Variants in KCNK4 observed in about 807,000 individuals in gnomAD.
KCNK4 encodes potassium channel subfamily K member 4.
A neutral mutation model predicts 28.8 loss-of-function variants in KCNK4; 22 were observed. That is an observed-to-expected ratio of 0.76 (90% CI 0.55 to 1.09). The LOEUF (loss-of-function observed/expected upper bound fraction) is 1.09, where lower values mean the gene tolerates loss of function less well. Ranked by LOEUF, KCNK4 falls within the 50% of genes least tolerant of loss-of-function variation. KCNK4 has a pLI of 0.00. For synonymous variants in KCNK4, 263 were observed against 252.9 expected (o/e 1.04, Z -0.38); for missense variants, 483 against 546.3 (o/e 0.88, Z 1.15).
Position 64,298,137 on chromosome 11 carries a change from C to T in KCNK4, c.689C>T (p.Ala230Val). 1 of 1,613,708 alleles carries T rather than the reference C, an allele frequency of 6.2e-7. No individual in the cohort carries two copies. The highest frequency in any genetic ancestry group is 2.2e-5 in the East Asian group (1 of 44,892). The change falls in exon 6 of 7, where the codon GCC becomes GTC. Residue 230 changes from alanine to valine, a missense_variant. Coordinates refer to ENST00000422670, the MANE Select transcript of KCNK4 (RefSeq NM_033310.3). ...AGADPRQDSP[A>V]YQPLVWFWIL... ...GCGGACCCCAGGCAGGACTCCCCGG[C>T]CTATCAGCCGCTGGTGTGGTTCTGG...
chr11:64,298,485 C>T (rs1310740470), intron 6 of KCNK4, among the ~76,000 whole-genome samples: 1 of 152,150 alleles, frequency 6.6e-6, no homozygotes, highest in Non-Finnish European at 1.5e-5. Flanking sequence ...TGCAGAAAGC[C>T]AGCACAGGCA....
Position 64,292,242 on chromosome 11 carries a change from G to T in KCNK4, c.-78+676G>T, listed in dbSNP as rs543623056. 2.5e-4 allele frequency: 74 copies of T among 295,028 alleles called. 3 individuals carry two copies. In the South Asian group the frequency reaches 8.8e-3, roughly 35 times the overall value. The allele number at this position is 295,028 out of a possible 1,614,324, so 18.3% of individuals were successfully genotyped here. A position where few individuals can be genotyped will look rare whatever the true frequency, so the allele number is the denominator to read the frequency against. On this transcript the variant is annotated intron_variant, in intron 1 of 6. Coordinates refer to ENST00000422670, the MANE Select transcript of KCNK4 (RefSeq NM_033310.3). ...TGTGTGCGCGTGGGCGCCGCCGCCC[G>T]CTGTCTCGGACTGACAGCTGTCTCG...
In KCNK4 at chr11:64,299,903, ACC is replaced by A. The variant is rs1423009370; in HGVS notation, c.*183_*184del. On this transcript the variant is annotated 3_prime_UTR_variant, in exon 7 of 7. Transcript: ENST00000422670. Reference sequence around the variant, plus strand: ...TTCCCTCACTTCCATCCATCTCTAGACCCCCCCAAGGCTTTCTGTGTCGCTGC... The same window carrying A: ...TTCCCTCACTTCCATCCATCTCTAGACCCCCAAGGCTTTCTGTGTCGCTGC... The A allele has an allele frequency of 3.2e-6, 4 of 1,248,734 alleles. No homozygotes were observed. The highest frequency in any genetic ancestry group is 4.4e-6 in the Non-Finnish European group (4 of 905,190). 77.4% of individuals were successfully genotyped at this position (1,248,734 alleles called of 1,614,324 possible).
Position 64,298,186 on chromosome 11 carries a change from C to A in KCNK4, c.738C>A (p.Phe246Leu), listed in dbSNP as rs145581707. The A allele has an allele frequency of 3.1e-6, 5 of 1,613,778 alleles. No individual in the cohort carries two copies. In the South Asian group the frequency reaches 5.5e-5, roughly 18 times the overall value. Residue 246 changes from phenylalanine (F) to leucine (L), a missense_variant, in exon 6 of 7, where the codon TTC (phenylalanine) becomes TTA (leucine). Transcript: ENST00000422670. ...WFWILLGLAYFASVLTTIGNW... is the reference protein window; with the variant it reads ...WFWILLGLAYLASVLTTIGNW... The stretch of plus-strand genomic sequence containing the variant: ...GGATCCTGCTCGGCCTGGCTTACTT[C>A]GCCTCAGTGCTCACCACCATCGGGA...
chr11:64,298,791 C>T (rs1382147014), intron 6 of KCNK4, among the ~76,000 whole-genome samples: 2 of 151,838 alleles, frequency 1.3e-5, no homozygotes, highest in African/African-American at 2.4e-5. Context: ...GCTTGTAATC[C>T]GAGCATTTTG....
chr11:64,298,317 G>C, intron 6 of KCNK4, 68 bp downstream of exon 6: 1 of 1,582,580 alleles, frequency 6.3e-7, no homozygotes, highest in Non-Finnish European at 8.6e-7. Context: ...CTAGCAGGGG[G>C]TTGATCAGGC....
chr11:64,292,122 C>A, intron 1 of KCNK4: 1 of 1,009,706 alleles, frequency 9.9e-7, no homozygotes. Context: ...AGGTGGGGTG[C>A]GTGCGTGCAG....
At chr11:64,298,987 G>T (rs1036437280) in intron 6 of KCNK4, among the ~76,000 whole-genome samples, 1 of 143,218 alleles carries the variant, frequency 7.0e-6, no homozygotes, top group Admixed American at 7.3e-5. Context: ...GTTGCAGTGA[G>T]CTGAAATCAC....
chr11:64,297,538 C>G lies in KCNK4; in HGVS notation c.546C>G (p.Leu182=), dbSNP rs1417204846. Residue 182 remains leucine (L), a synonymous_variant, in exon 5 of 7, where the codon CTC becomes CTG. Transcript: ENST00000422670. ...TTTTCCTGCTGATCGGCTGCCTGCT[C>G]TTTGTCCTCACGCCCACGTTCGTGT... The part of the protein sequence containing the change: ...AMLFLLIGCL[L]FVLTPTFVFC... 1.9e-6 allele frequency: 3 copies of G among 1,614,190 alleles called. No individual in the cohort carries two copies. Among genetic ancestry groups the G allele is most frequent in the South Asian group, 1.1e-5 (1 of 91,086 alleles).
At position 64,293,031 on chromosome 11, in the gene KCNK4, A is replaced by G. The variant is rs1406000356; in HGVS notation, c.13A>G (p.Thr5Ala). The G allele has an allele frequency of 3.2e-6, 5 of 1,546,454 alleles. No individual in the cohort carries two copies. The African/African-American group carries it at 4.1e-5, about 13-fold the overall frequency. MRST[T>A]LLALLALVLL... is the part of the protein sequence containing the mutation. ...GCCTGGGCGCGCCATGCGCAGCACC[A>G]CGCTCCTGGCCCTGCTGGCGCTGGT... is the stretch of plus-strand genomic sequence containing the variant. Residue 5 changes from threonine to alanine, a missense_variant, in exon 2 of 7, where the codon ACG becomes GCG. Thr to Ala is a moderately conservative substitution (Grantham distance 58). Coordinates refer to ENST00000422670, the MANE Select transcript of KCNK4 (RefSeq NM_033310.3).
At position 64,292,980 on chromosome 11, in the gene KCNK4, C is replaced by T. The variant is rs1223261492; in HGVS notation, c.-39C>T. On this transcript the variant is annotated 5_prime_UTR_variant, in exon 2 of 7. Coordinates refer to ENST00000422670, the MANE Select transcript of KCNK4 (RefSeq NM_033310.3). ...CCAGGAGCCCCCCGCCCGGCCCCTC[C>T]AGGCGGGCAGTGGAGCTGGCCCGGC... 2.0e-6 allele frequency: 3 copies of T among 1,511,264 alleles called. No individual in the cohort carries two copies. The highest frequency in any genetic ancestry group is 2.7e-6 in the Non-Finnish European group (3 of 1,131,856). The allele number at this position is 1,511,264 out of a possible 1,614,324, so 93.6% of individuals were successfully genotyped here.
rs2232413 is a variant in KCNK4 at position 64,297,321 on chromosome 11, G to A, written c.474+42G>A. ...CCTGCCTGCCCTTGTGCTGGGCTCC[G>A]GCTACCCTTCCCCATGTCCCTGGCA... On this transcript the variant is annotated intron_variant, in intron 4 of 6. Transcript: ENST00000422670. The A allele has an allele frequency of 8.9e-5, 142 of 1,588,180 alleles. 2 individuals carry two copies. In the African/African-American group the frequency reaches 1.4e-3, roughly 15 times the overall value.
At chr11:64,291,901 T>A (rs1324428468) in intron 1 of KCNK4, 11 of 469,072 alleles carry the variant, frequency 2.3e-5, no homozygotes, top group Non-Finnish European at 3.0e-5. Context: ...GGGAGTGGTG[T>A]GGCCGCCGGT....
intron 2 of KCNK4, among the ~76,000 whole-genome samples, chr11:64,295,577 C>T (rs575422480): frequency 2.6e-5 from 4 of 151,884 alleles, no homozygotes; most frequent in South Asian, 4.1e-4. Context: ...TTAGCTATTT[C>T]GCTTCTTGCT....
At position 64,299,673 on chromosome 11, in the gene KCNK4, C is replaced by T. The variant is rs1044742149; in HGVS notation, c.1129C>T (p.Pro377Ser). The T allele has an allele frequency of 1.9e-6, 3 of 1,595,112 alleles. No individual in the cohort carries two copies. Among genetic ancestry groups the T allele is most frequent in the Middle Eastern group, 1.7e-4 (1 of 6,036 alleles). Residue 377 changes from proline to serine, a missense_variant, in exon 7 of 7, where the codon CCC (proline) becomes TCC (serine). Pro to Ser is a moderately conservative substitution (Grantham distance 74). Transcript: ENST00000422670. ...CCGCCGCCCAAATCCCCCCAGGAAG[C>T]CCGTGCGGCCCCGCGGCCCCGGGCG... ...GRRRPNPPRK[P>S]VRPRGPGRPR...
intron 1 of KCNK4, chr11:64,292,160 G>A (rs2034646170): frequency 1.1e-6 from 1 of 929,902 alleles, no homozygotes; most frequent in Non-Finnish European, 1.3e-6. Flanking sequence ...GCAGCCTCGG[G>A]ATGGAGCGTG....
intron 2 of KCNK4, chr11:64,296,056 G>C (rs1392799313): frequency 6.6e-6 from 1 of 152,244 alleles, no homozygotes; most frequent in Middle Eastern, 3.4e-3. Flanking sequence ...GAATACAGTA[G>C]TGTTTACAAC....
intron 1 of KCNK4, chr11:64,291,911 T>C (rs1337417604): frequency 1.7e-6 from 1 of 582,406 alleles, no homozygotes; most frequent in Non-Finnish European, 2.3e-6. Context: ...TGGCCGCCGG[T>C]CCCGCCGCCC....
rs768705583 is a variant in KCNK4, at chr11:64,297,013, G to T, written c.313+12G>T. The stretch of plus-strand genomic sequence containing the variant: ...CATCACCACCATCGGTGGGGGAGGG[G>T]ATTGGCATGTGGGGGGCGGCAAGGA... On this transcript the variant is annotated intron_variant, in intron 3 of 6. Transcript: ENST00000422670. 3.2e-6 allele frequency: 5 copies of T among 1,564,118 alleles called. No individual in the cohort carries two copies. The East Asian group carries it at 1.1e-4, about 35-fold the overall frequency.
Sources: allele counts gnomAD v4.1 joint callset (sites outside exome capture counted in the v4.1 genomes callset), GRCh38; gene constraint gnomAD v4.1.1; transcripts MANE v1.5; gene names NCBI Gene and HGNC (gene_info 2026-07-23, HGNC 2026-07-21).